Variants in CLVS1 observed in about 807,000 individuals in gnomAD.
The protein encoded by CLVS1 is clavesin-1.
Under a neutral mutation model 33.1 loss-of-function variants are expected in CLVS1, and 10 were observed. That is an observed-to-expected ratio of 0.30 (90% confidence interval 0.19 to 0.51). The LOEUF is 0.51. CLVS1 is among the 20% of genes least tolerant of loss of function. The pLI is 0.97. For synonymous variants in CLVS1, 163 were observed against 166.1 expected, an observed-to-expected ratio of 0.98 and a Z score of 0.14; for missense variants, 343 against 433.4, an observed-to-expected ratio of 0.79 and a Z score of 1.85.
intron 3 of CLVS1, among the ~76,000 whole-genome samples, chr8:61,398,997 T>G (rs540296175): frequency 1.3e-5 from 2 of 152,216 alleles, no homozygotes; most frequent in South Asian, 4.1e-4. Flanking sequence ...TTGGGAATAG[T>G]GCTGCAGTGA....
the CLVS1 span, among the ~76,000 whole-genome samples, chr8:60,994,992 CATCTTATACAAAA>C: frequency 1.2e-3 from 183 of 152,040 alleles, no homozygotes; most frequent in South Asian, 3.7e-3. Flanking sequence ...CCCTTCCTTA[CATCTTATACAAAA>C]ATCAATTCAA....
chr8:61,163,277 C>A (rs1458773323), intron 2 of CLVS1, among the ~76,000 whole-genome samples: 1 of 152,214 alleles, frequency 6.6e-6, no homozygotes, highest in Non-Finnish European at 1.5e-5. Context: ...GGAGCTGCCT[C>A]TTCCACACCT....
In CLVS1 at chr8:61,488,646, G is replaced by A. The variant is rs545685318; in HGVS notation, c.978-10809G>A. On this transcript the variant is annotated intron_variant, in intron 5 of 5. Coordinates refer to ENST00000325897, the MANE Select transcript of CLVS1 (RefSeq NM_173519.3). ...TAATTTCTCCTTCAAAGAGCTCCAAGCACTTTATTGTATCTTTTATCTTTC... is the reference window on the plus strand; with the variant it reads ...TAATTTCTCCTTCAAAGAGCTCCAAACACTTTATTGTATCTTTTATCTTTC... 1.9e-3 allele frequency among the ~76,000 whole-genome samples: 294 copies of A among 152,188 alleles called. 1 individual carries two copies. The highest frequency in any genetic ancestry group is 6.7e-3 in the African/African-American group (276 of 41,502).
intron 4 of CLVS1, among the ~76,000 whole-genome samples, chr8:61,456,952 T>TC (rs1817188664): frequency 6.6e-6 from 1 of 151,112 alleles, no homozygotes; most frequent in Non-Finnish European, 1.5e-5. Flanking sequence ...ATTTTTTTTT[T>TC]CCCGAGTTGG....
chr8:61,220,756 G>A (rs2129309556), intron 2 of CLVS1, among the ~76,000 whole-genome samples: 1 of 152,074 alleles, frequency 6.6e-6, no homozygotes, highest in East Asian at 1.9e-4. Context: ...TGGGCAGTAT[G>A]GCCATTTTCA....
intron 2 of CLVS1, among the ~76,000 whole-genome samples, chr8:61,275,444 C>G (rs1437449780): frequency 6.6e-6 from 1 of 152,148 alleles, no homozygotes; most frequent in African/African-American, 2.4e-5. Flanking sequence ...TCCTAATTAC[C>G]CATCTTGCAT....
At chr8:61,283,126 A>G (rs1809708442), upstream of CLVS1, among the ~76,000 whole-genome samples, 1 of 152,198 alleles carries the variant, frequency 6.6e-6, no homozygotes, top group South Asian at 2.1e-4. Flanking sequence ...TTGAATGAAA[A>G]TATTCTCTCT....
In CLVS1 at chr8:61,495,803, A is replaced by G. The variant is rs561742276; in HGVS notation, c.978-3652A>G. On this transcript the variant is annotated intron_variant, in intron 5 of 5. Coordinates refer to ENST00000325897, the MANE Select transcript of CLVS1 (RefSeq NM_173519.3). ...AACCAAAAATCAAGAAAGTGAAGCA[A>G]TTATTTTATTCTGAGGTCACACCAG... Among the ~76,000 whole-genome samples the G allele has an allele frequency of 1.9e-4, 29 of 152,308 alleles. 1 individual carries two copies. The highest frequency in any genetic ancestry group is 8.3e-4 in the South Asian group (4 of 4,826).
chr8:61,134,383 G>C (rs537734340), intron 2 of CLVS1, among the ~76,000 whole-genome samples: 3 of 152,266 alleles, frequency 2.0e-5, no homozygotes, highest in Admixed American at 2.0e-4. Context: ...GATCTGACCC[G>C]TCACCTGTTT....
At chr8:61,452,192 A>G (rs1816988075) in intron 3 of CLVS1, among the ~76,000 whole-genome samples, 1 of 152,206 alleles carries the variant, frequency 6.6e-6, no homozygotes, top group Admixed American at 6.5e-5. Context: ...GATGTCTTTG[A>G]TGATTGAGGC....
intron 2 of CLVS1, among the ~76,000 whole-genome samples, chr8:61,348,041 G>T (rs1292732596): frequency 6.6e-6 from 1 of 151,642 alleles, no homozygotes; most frequent in Non-Finnish European, 1.5e-5. Flanking sequence ...TCAGCATGTT[G>T]TATAATAGAC....
intron 1 of CLVS1, among the ~76,000 whole-genome samples, chr8:61,089,596 T>C (rs1402526008): frequency 6.6e-6 from 1 of 152,164 alleles, no homozygotes; most frequent in East Asian, 1.9e-4. Context: ...ATAAGGTCCT[T>C]GGAGCTATCA....
upstream of CLVS1, among the ~76,000 whole-genome samples, chr8:61,283,794 A>C (rs572497226): frequency 6.6e-6 from 1 of 152,286 alleles, no homozygotes; most frequent in South Asian, 2.1e-4. Context: ...CTGGAAGTGA[A>C]GTGCTGAATT....
At chr8:61,251,861 C>A (rs1202529676) in intron 2 of CLVS1, among the ~76,000 whole-genome samples, 1 of 152,014 alleles carries the variant, frequency 6.6e-6, no homozygotes, top group African/African-American at 2.4e-5. Context: ...TTTCAAAAAA[C>A]CAGCTTCTGA....
At chr8:61,141,075 C>A (rs73685745) in intron 2 of CLVS1, among the ~76,000 whole-genome samples, 1 of 152,146 alleles carries the variant, frequency 6.6e-6, no homozygotes, top group Non-Finnish European at 1.5e-5. Context: ...TATCTGCGCT[C>A]ATCTGAACTC....
chr8:61,445,019 T>A (rs768239616), intron 3 of CLVS1, among the ~76,000 whole-genome samples: 15 of 152,094 alleles, frequency 9.9e-5, no homozygotes, highest in Non-Finnish European at 1.5e-4. Context: ...TTGGGGCAGC[T>A]CCTCCCTGGT....
At chr8:61,051,511 C>A in the CLVS1 span, among the ~76,000 whole-genome samples, 113 of 152,324 alleles carry the variant, frequency 7.4e-4, 1 homozygote, top group African/African-American at 2.6e-3. Context: ...GGGGAGGATG[C>A]CCTCCTGGGC....
rs1804557782 is a variant in CLVS1 at position 61,500,189 on chromosome 8, G to A, written c.*647G>A. ...TCTCTTGTCAGGTCACTAGCTGACT[G>A]TCATGAGCTGACGTTAAAGGAAGAC... is the stretch of plus-strand genomic sequence containing the variant. On this transcript the variant is annotated 3_prime_UTR_variant, in exon 6 of 6. Coordinates refer to ENST00000325897, the MANE Select transcript of CLVS1 (RefSeq NM_173519.3). 6.6e-6 allele frequency: 1 copy of A among 152,546 alleles called. No homozygotes were observed. The highest frequency in any genetic ancestry group is 2.1e-4 in the South Asian group (1 of 4,830). 9.4% of individuals were successfully genotyped at this position (152,546 alleles called of 1,614,324 possible).
chr8:61,300,883 G>C (rs1191406430), intron 2 of CLVS1: 1 of 152,228 alleles, frequency 6.6e-6, no homozygotes, highest in African/African-American at 2.4e-5. Flanking sequence ...ACTGCCCCTT[G>C]CTTTGGTCTT....
Sources: gnomAD v4.1 joint callset for allele counts (sites outside exome capture counted in the v4.1 genomes callset) on GRCh38, gnomAD v4.1.1 for gene constraint, MANE v1.5 for transcripts, NCBI Gene and HGNC (gene_info 2026-07-23, HGNC 2026-07-21) for gene names.